CPA6: variants seen among roughly 807,000 people sequenced by gnomAD.
The protein encoded by CPA6 is carboxypeptidase A6.
Under a neutral mutation model 63.3 loss-of-function variants are expected in CPA6, and 58 were observed. The ratio of observed to expected loss-of-function variants is 0.92; its 90% CI spans 0.74 to 1.14. CPA6 has a LOEUF of 1.14. Ranked by LOEUF, CPA6 falls within the 50% of genes most tolerant of loss-of-function variation. The pLI, the probability that CPA6 is intolerant of heterozygous loss-of-function variation, is 0.00. For synonymous variants in CPA6, 185 were observed against 179.0 expected, an observed-to-expected ratio of 1.03 and a Z score of -0.27; for missense variants, 565 against 526.6, an observed-to-expected ratio of 1.07 and a Z score of -0.71.
chr8:67,732,769 T>A (rs1643777471), intron 1 of CPA6: 1 of 152,072 alleles, frequency 6.6e-6, no homozygotes, highest in Non-Finnish European at 1.5e-5. Flanking sequence ...TTGAGAGGTT[T>A]CACAGTGATA....
intron 1 of CPA6, among the ~76,000 whole-genome samples, chr8:67,685,187 G>T (rs1174295649): frequency 6.6e-6 from 1 of 152,140 alleles, no homozygotes; most frequent in Non-Finnish European, 1.5e-5. Flanking sequence ...CTTTTTGGCT[G>T]GGTATCCAGA....
At chr8:67,537,551 A>G (rs1034416725) in intron 2 of CPA6, among the ~76,000 whole-genome samples, 11 of 151,578 alleles carry the variant, frequency 7.3e-5, no homozygotes, top group Non-Finnish European at 1.3e-4. Flanking sequence ...CCCCTTTGTC[A>G]TTTTTTTATT....
intron 1 of CPA6, among the ~76,000 whole-genome samples, chr8:67,626,622 C>A (rs755020720): frequency 2.0e-5 from 3 of 152,196 alleles, no homozygotes; most frequent in Non-Finnish European, 4.4e-5. Context: ...GTAACCACAT[C>A]TCTTCTCTTT....
At chr8:67,515,415 C>T (rs1473388586) in intron 3 of CPA6, among the ~76,000 whole-genome samples, 1 of 152,146 alleles carries the variant, frequency 6.6e-6, no homozygotes, top group Non-Finnish European at 1.5e-5. Flanking sequence ...ACTCTCTTTT[C>T]TCATATTCTT....
At chr8:67,487,170 C>T (rs1026474635) in intron 6 of CPA6, among the ~76,000 whole-genome samples, 6 of 152,138 alleles carry the variant, frequency 3.9e-5, no homozygotes, top group Non-Finnish European at 7.4e-5. Context: ...TCGTCATTTA[C>T]ATTAGGTGTT....
At chr8:67,595,529 G>T (rs577704503) in intron 2 of CPA6, among the ~76,000 whole-genome samples, 57 of 152,304 alleles carry the variant, frequency 3.7e-4, no homozygotes, top group African/African-American at 1.3e-3. Flanking sequence ...GCTGTGGTGG[G>T]CTCCACCCAG....
At chr8:67,428,668 A>G (rs963091940) in intron 9 of CPA6, among the ~76,000 whole-genome samples, 187 of 152,152 alleles carry the variant, frequency 1.2e-3, no homozygotes, top group African/African-American at 4.5e-3. Flanking sequence ...TATTCTTAGT[A>G]TACATGGGGT....
At chr8:67,446,348 G>T (rs1266977446) in intron 8 of CPA6, among the ~76,000 whole-genome samples, 2 of 151,756 alleles carry the variant, frequency 1.3e-5, no homozygotes, top group Non-Finnish European at 2.9e-5. Flanking sequence ...TAGAGATAGA[G>T]TCTCGATATC....
intron 8 of CPA6, among the ~76,000 whole-genome samples, chr8:67,443,094 G>T (rs1810331602): frequency 1.3e-5 from 2 of 149,544 alleles, no homozygotes; most frequent in South Asian, 4.2e-4. Flanking sequence ...ACAGAGTCTT[G>T]CTCTGTCACC....
intron 1 of CPA6, among the ~76,000 whole-genome samples, chr8:67,733,238 C>A (rs979212290): frequency 3.1e-5 from 4 of 130,820 alleles, no homozygotes; most frequent in South Asian, 2.3e-4. Context: ...AAAAATTTAG[C>A]GTCTATCACC....
At chr8:67,497,412 A>C (rs1364573126) in intron 6 of CPA6, among the ~76,000 whole-genome samples, 1 of 152,146 alleles carries the variant, frequency 6.6e-6, no homozygotes, top group African/African-American at 2.4e-5. Flanking sequence ...AAGGTCCATC[A>C]CTGCTGTATC....
At chr8:67,624,734 A>G (rs750594720) in intron 1 of CPA6, among the ~76,000 whole-genome samples, 2 of 152,208 alleles carry the variant, frequency 1.3e-5, no homozygotes, top group Non-Finnish European at 2.9e-5. Context: ...GGAGAAGCCC[A>G]TCTCTATGGG....
At chr8:67,682,459 T>C (rs894528759) in intron 1 of CPA6, among the ~76,000 whole-genome samples, 1 of 152,238 alleles carries the variant, frequency 6.6e-6, no homozygotes, top group South Asian at 2.1e-4. Context: ...ACTGCTATAA[T>C]GACTGGGTTA....
At chr8:67,737,706 G>A (rs1817840704) in intron 1 of CPA6, among the ~76,000 whole-genome samples, 1 of 152,190 alleles carries the variant, frequency 6.6e-6, no homozygotes. Context: ...AATATTTATA[G>A]ACATGAAATG....
chr8:67,665,707 G>A (rs1387214524), intron 1 of CPA6, among the ~76,000 whole-genome samples: 2 of 152,016 alleles, frequency 1.3e-5, no homozygotes, highest in Non-Finnish European at 2.9e-5. Context: ...GCAATGATTT[G>A]TTTGCTATGG....
At chr8:67,701,505 T>G (rs895864622) in intron 1 of CPA6, among the ~76,000 whole-genome samples, 1 of 152,208 alleles carries the variant, frequency 6.6e-6, no homozygotes, top group African/African-American at 2.4e-5. Flanking sequence ...TTCAAAATCT[T>G]TAGAGAACAA....
chr8:67,589,750 A>G (rs192036252), intron 2 of CPA6, among the ~76,000 whole-genome samples: 134 of 152,308 alleles, frequency 8.8e-4, no homozygotes, highest in African/African-American at 3.0e-3. Context: ...GAAGCAAAAC[A>G]TCACTAGAAA....
intron 1 of CPA6, among the ~76,000 whole-genome samples, chr8:67,686,898 G>A (rs1270464649): frequency 2.6e-5 from 4 of 152,180 alleles, no homozygotes; most frequent in Non-Finnish European, 2.9e-5. Context: ...TATGTTCAGC[G>A]TGGGAGAGTT....
rs745559095 is a variant in CPA6 at position 67,745,972 on chromosome 8, C to T, written c.116+42G>A. 2.0e-6 allele frequency: 3 copies of T among 1,479,634 alleles called. No homozygotes were observed. The East Asian group carries it at 6.8e-5, about 34-fold the overall frequency. The allele number at this position is 1,479,634 out of a possible 1,614,324, so 91.7% of individuals were successfully genotyped here. A position where few individuals can be genotyped will look rare whatever the true frequency, so the allele number is the denominator to read the frequency against. On this transcript the variant is annotated intron_variant, in intron 1 of 10. Coordinates refer to ENST00000297770, the MANE Select transcript of CPA6 (RefSeq NM_020361.5). ...CTCTGGAGCAAACCAGCCCCCAGATCCAAATCAAAGCTGTGTAGGGCATGA... is the reference window on the plus strand; with the variant it reads ...CTCTGGAGCAAACCAGCCCCCAGATTCAAATCAAAGCTGTGTAGGGCATGA...
Sources: gnomAD v4.1 joint callset for allele counts (sites outside exome capture counted in the v4.1 genomes callset) on GRCh38, gnomAD v4.1.1 for gene constraint, MANE v1.5 for transcripts, NCBI Gene and HGNC (gene_info 2026-07-23, HGNC 2026-07-21) for gene names.